The following CNBD1 variants were observed in gnomAD, a reference collection of about 807,000 sequenced individuals.
CNBD1 encodes the protein cyclic nucleotide binding domain containing 1, also known as cyclic nucleotide-binding domain-containing protein 1.
A neutral mutation model predicts 54.4 loss-of-function variants in CNBD1; 71 were observed. The observed-to-expected ratio is 1.30, with a 90% CI of 1.08 to 1.59. The LOEUF (loss-of-function observed/expected upper bound fraction) is 1.59. Ranked by LOEUF, CNBD1 falls within the 40% of genes most tolerant of loss-of-function variation. The pLI is 0.00. For synonymous variants in CNBD1, 182 were observed against 170.7 expected (o/e 1.07, Z -0.51); for missense variants, 659 against 518.0 (o/e 1.27, Z -2.64).
At chr8:87,276,156 T>C (rs1407157794) in intron 6 of CNBD1, among the ~76,000 whole-genome samples, 1 of 151,934 alleles carries the variant, frequency 6.6e-6, no homozygotes, top group Non-Finnish European at 1.5e-5. Flanking sequence ...TCTTTGTTAC[T>C]AATACATTGA....
chr8:87,299,353 T>C (rs1239523242), intron 8 of CNBD1, among the ~76,000 whole-genome samples: 2 of 152,176 alleles, frequency 1.3e-5, no homozygotes, highest in African/African-American at 2.4e-5. Flanking sequence ...TTGTAGATTT[T>C]CCTTCACTCT....
chr8:86,946,827 T>C (rs1161716953), intron 4 of CNBD1, among the ~76,000 whole-genome samples: 1 of 152,168 alleles, frequency 6.6e-6, no homozygotes, highest in African/African-American at 2.4e-5. Flanking sequence ...ACAAAAATAT[T>C]ACTTGCCTTC....
chr8:87,327,635 G>T (rs1809711006), intron 8 of CNBD1, among the ~76,000 whole-genome samples: 1 of 152,316 alleles, frequency 6.6e-6, no homozygotes, highest in African/African-American at 2.4e-5. Flanking sequence ...CTTCCCAGGT[G>T]AGGCAGTGCC....
At chr8:86,881,881 A>T (rs1368214789) in intron 1 of CNBD1, among the ~76,000 whole-genome samples, 3 of 152,304 alleles carry the variant, frequency 2.0e-5, no homozygotes, top group Non-Finnish European at 4.4e-5. Flanking sequence ...TAACTATCTG[A>T]TCTTCAACAA....
At chr8:87,098,034 A>G (rs932747994) in intron 4 of CNBD1, among the ~76,000 whole-genome samples, 1 of 152,226 alleles carries the variant, frequency 6.6e-6, no homozygotes, top group Non-Finnish European at 1.5e-5. Flanking sequence ...TTTTGTCAAA[A>G]ATTCTCAAGA....
rs147102704 is a variant in CNBD1, at chr8:87,068,684, G to A, written c.431+128930G>A. The stretch of plus-strand genomic sequence containing the variant: ...AAGATAATTTGTCAGAATCTGTTTA[G>A]GATGTAACCTGTTTAGGTAGAGCAT... On this transcript the variant is annotated intron_variant, in intron 4 of 10. Transcript: ENST00000518476. Among the ~76,000 whole-genome samples the A allele has an allele frequency of 8.5e-4, 129 of 152,132 alleles. 1 individual carries two copies. The highest frequency in any genetic ancestry group is 7.5e-3 in the South Asian group (36 of 4,826).
intron 8 of CNBD1, among the ~76,000 whole-genome samples, chr8:87,332,264 C>G (rs181448449): frequency 5.3e-5 from 8 of 151,544 alleles, no homozygotes; most frequent in African/African-American, 1.9e-4. Context: ...AGGAGAATCG[C>G]TTGAACGCAG....
At chr8:87,390,080 C>T (rs538365275) in intron 2 of CNBD1, among the ~76,000 whole-genome samples, 1 of 150,800 alleles carries the variant, frequency 6.6e-6, no homozygotes, top group Non-Finnish European at 1.5e-5. Context: ...TTCCTTACAC[C>T]TTATACAAAA....
intron 4 of CNBD1, among the ~76,000 whole-genome samples, chr8:87,118,344 C>T (rs528753415): frequency 2.1e-3 from 307 of 143,908 alleles, no homozygotes; most frequent in Non-Finnish European, 3.5e-3. Context: ...AAAAATAGAG[C>T]GGTACAACGG....
chr8:87,220,609 C>G (rs1021141838), intron 5 of CNBD1, among the ~76,000 whole-genome samples: 1 of 151,396 alleles, frequency 6.6e-6, no homozygotes, highest in African/African-American at 2.4e-5. Flanking sequence ...TAGACCTTAC[C>G]TCAGCTCAAC....
At chr8:87,257,550 ATCATTT>A (rs1294931109) in intron 6 of CNBD1, among the ~76,000 whole-genome samples, 3 of 152,014 alleles carry the variant, frequency 2.0e-5, no homozygotes, top group African/African-American at 7.2e-5. Context: ...TTCAAATTGG[ATCATTT>A]TATATTTTCC....
At chr8:87,229,731 A>C (rs1050233528) in intron 5 of CNBD1, among the ~76,000 whole-genome samples, 1 of 152,108 alleles carries the variant, frequency 6.6e-6, no homozygotes, top group Non-Finnish European at 1.5e-5. Flanking sequence ...CCCCTAGTAC[A>C]TCTATACAGA....
chr8:86,961,668 T>C (rs1259563258), intron 4 of CNBD1, among the ~76,000 whole-genome samples: 2 of 152,216 alleles, frequency 1.3e-5, no homozygotes, highest in African/African-American at 4.8e-5. Context: ...AGGTAGGCAC[T>C]AGTGCTGCTT....
intron 4 of CNBD1, among the ~76,000 whole-genome samples, chr8:87,181,491 T>A (rs1253065452): frequency 6.6e-6 from 1 of 152,224 alleles, no homozygotes; most frequent in African/African-American, 2.4e-5. Context: ...TTCATTGAAT[T>A]TATTGGCATA....
At chr8:87,073,096 G>T (rs183474052) in intron 4 of CNBD1, among the ~76,000 whole-genome samples, 2 of 151,478 alleles carry the variant, frequency 1.3e-5, no homozygotes, top group Admixed American at 1.3e-4. Flanking sequence ...TCCTCTGCTT[G>T]TTGTATTCTG....
At chr8:87,183,592 G>T (rs560242253) in intron 4 of CNBD1, among the ~76,000 whole-genome samples, 2 of 152,156 alleles carry the variant, frequency 1.3e-5, no homozygotes, top group East Asian at 3.9e-4. Flanking sequence ...TCATCTAGAG[G>T]TAAGAAGACA....
chr8:87,043,454 T>C (rs193107675), intron 4 of CNBD1, among the ~76,000 whole-genome samples: 78 of 152,370 alleles, frequency 5.1e-4, no homozygotes, highest in African/African-American at 1.9e-3. Flanking sequence ...ACACATTTTG[T>C]CTGTAAACCA....
chr8:87,226,175 T>TC (rs1814484525), intron 5 of CNBD1, among the ~76,000 whole-genome samples: 1 of 152,054 alleles, frequency 6.6e-6, no homozygotes, highest in Admixed American at 6.6e-5. Flanking sequence ...ATTTTGTTGA[T>TC]CCTTTCAAAA....
chr8:86,952,855 T>C (rs562210294), intron 4 of CNBD1, among the ~76,000 whole-genome samples: 1 of 152,316 alleles, frequency 6.6e-6, no homozygotes, highest in East Asian at 1.9e-4. Context: ...ACTTTTGTCA[T>C]TCTTTCCTCT....
Sources: gnomAD v4.1 joint callset for allele counts (sites outside exome capture counted in the v4.1 genomes callset) on GRCh38, gnomAD v4.1.1 for gene constraint, MANE v1.5 for transcripts, NCBI Gene and HGNC (gene_info 2026-07-23, HGNC 2026-07-21) for gene names.